Variants in RTRAF observed in about 807,000 individuals in gnomAD.
RTRAF encodes the protein RNA transcription, translation and transport factor.
In RTRAF, 14 loss-of-function variants were observed where a neutral mutation model predicts 34.4. That is an observed-to-expected ratio of 0.41 (90% CI 0.27 to 0.64). The LOEUF (loss-of-function observed/expected upper bound fraction) is 0.64. Ranked by LOEUF, RTRAF falls within the 30% of genes least tolerant of loss-of-function variation. RTRAF has a pLI of 0.34. For missense variants in RTRAF, 291 were observed against 288.4 expected (o/e 1.01, Z -0.06); for synonymous variants, 96 against 95.3 (o/e 1.01, Z -0.04).
At position 52,004,744 on chromosome 14, in the gene RTRAF, G is replaced by A; in HGVS notation, c.*228G>A. 2.5e-6 allele frequency: 1 copy of A among 401,042 alleles called. No individual in the cohort carries two copies. The allele number at this position is 401,042 out of a possible 1,614,324, so 24.8% of individuals were successfully genotyped here. On this transcript the variant is annotated 3_prime_UTR_variant, in exon 8 of 8. Transcript: ENST00000261700. ...TGCATAAATCACCTTTCTCCTTTGT[G>A]GTTAAGGCATATATGCCAACCCCCA... is the stretch of plus-strand genomic sequence containing the variant.
rs140907299 is a variant in RTRAF, at chr14:51,989,577, C to T, written c.-63C>T. 6.6e-7 allele frequency: 1 copy of T among 1,525,288 alleles called. No individual in the cohort carries two copies. Among genetic ancestry groups the T allele is most frequent in the East Asian group, 2.5e-5 (1 of 39,506 alleles). The allele number at this position is 1,525,288 out of a possible 1,614,324, so 94.5% of individuals were successfully genotyped here. A position where few individuals can be genotyped will look rare whatever the true frequency, so the allele number is the denominator to read the frequency against. ...CCGCGTCGCCGGTGCCTGCGCCTCC[C>T]GCTCCACCTCGCTTCTTCTCTCCCG... On this transcript the variant is annotated 5_prime_UTR_variant, in exon 1 of 8. Transcript: ENST00000261700.
rs193286496 is a variant in RTRAF, at chr14:51,999,424, G to A, written c.374-284G>A. ...CAGATTTTCCTCATCTTGCACTAGGGTTACATCCCACTGAACTCATTGTAA... is the reference window on the plus strand; with the variant it reads ...CAGATTTTCCTCATCTTGCACTAGGATTACATCCCACTGAACTCATTGTAA... On this transcript the variant is annotated intron_variant, in intron 4 of 7. Coordinates refer to ENST00000261700, the MANE Select transcript of RTRAF (RefSeq NM_016039.3). The A allele has an allele frequency of 1.3e-4, 34 of 260,722 alleles. No individual in the cohort carries two copies. In the Admixed American group the frequency reaches 1.6e-3, roughly 12 times the overall value. The allele number at this position is 260,722 out of a possible 1,614,324, so 16.2% of individuals were successfully genotyped here.
rs143133638 is a variant in RTRAF, at chr14:51,994,337, C to A, written c.286+515C>A. Among the ~76,000 whole-genome samples, 929 of 152,312 alleles carry A rather than the reference C, an allele frequency of 6.1e-3. 4 individuals are homozygous for A. Among genetic ancestry groups the A allele is most frequent in the Non-Finnish European group, 9.2e-3 (624 of 68,004 alleles). ...GGTGTTTTCTCTTATTAGACCATTT[C>A]ATTTTGAAAGGCCTGCCAACATCTA... is the stretch of plus-strand genomic sequence containing the variant. On this transcript the variant is annotated intron_variant, in intron 3 of 7. Transcript: ENST00000261700.
At chr14:51,997,231 C>T (rs1359873745) in intron 3 of RTRAF, among the ~76,000 whole-genome samples, 1 of 151,860 alleles carries the variant, frequency 6.6e-6, no homozygotes, top group Non-Finnish European at 1.5e-5. Context: ...GTTTTAGCAA[C>T]CATATGATGA....
chr14:51,997,616 G>A (rs1890540637), intron 3 of RTRAF, among the ~76,000 whole-genome samples: 1 of 151,712 alleles, frequency 6.6e-6, no homozygotes, highest in African/African-American at 2.4e-5. Flanking sequence ...TTCCTTTGAA[G>A]TATTGTTTTT....
chr14:52,005,081 G>GGATTATATTGTTA lies in RTRAF; in HGVS notation c.*566_*578dup, dbSNP rs1890705918. 1 of 164,628 alleles carries GGATTATATTGTTA rather than the reference G, an allele frequency of 6.1e-6. No individual in the cohort carries two copies. Among genetic ancestry groups the GGATTATATTGTTA allele is most frequent in the East Asian group, 1.8e-4 (1 of 5,682 alleles). 10.2% of individuals were successfully genotyped at this position (164,628 alleles called of 1,614,324 possible). ...TGGCTTCTCCAACTGTCAAGGTTTA[G>GGATTATATTGTTA]GATTATATTGTTATATTGATCACAT... On this transcript the variant is annotated 3_prime_UTR_variant, in exon 8 of 8. Coordinates refer to ENST00000261700, the MANE Select transcript of RTRAF (RefSeq NM_016039.3).
chr14:52,004,695 A>G lies in RTRAF; in HGVS notation c.*179A>G. ...TCTTTAATAAAGTTTAGGAAAGTAG[A>G]ATTTTTATTATGTACTGTATGTTTG... On this transcript the variant is annotated 3_prime_UTR_variant, in exon 8 of 8. Coordinates refer to ENST00000261700, the MANE Select transcript of RTRAF (RefSeq NM_016039.3). 1.7e-6 allele frequency: 1 copy of G among 577,884 alleles called. No homozygotes were observed. Among genetic ancestry groups the G allele is most frequent in the Admixed American group, 3.6e-5 (1 of 27,602 alleles). The allele number at this position is 577,884 out of a possible 1,614,324, so 35.8% of individuals were successfully genotyped here. A position where few individuals can be genotyped will look rare whatever the true frequency, so the allele number is the denominator to read the frequency against.
intron 3 of RTRAF, among the ~76,000 whole-genome samples, chr14:51,996,360 T>C (rs1890521603): frequency 6.6e-6 from 1 of 152,140 alleles, no homozygotes; most frequent in Admixed American, 6.5e-5. Flanking sequence ...GGTTTTACAT[T>C]GATATGTTGC....
intron 5 of RTRAF, among the ~76,000 whole-genome samples, chr14:52,001,432 A>G (rs1279538403): frequency 1.3e-5 from 2 of 152,162 alleles, no homozygotes; most frequent in Admixed American, 1.3e-4. Context: ...CATGCTCGTC[A>G]TTTCGCAGTT....
At chr14:52,001,417 C>A (rs1206985714) in intron 5 of RTRAF, among the ~76,000 whole-genome samples, 4 of 152,124 alleles carry the variant, frequency 2.6e-5, no homozygotes, top group Admixed American at 1.3e-4. Flanking sequence ...TGTATTCGTG[C>A]TAAGCATGCT....
chr14:51,994,866 A>G (rs1456007442), intron 3 of RTRAF, among the ~76,000 whole-genome samples: 1 of 152,036 alleles, frequency 6.6e-6, no homozygotes, highest in Non-Finnish European at 1.5e-5. Flanking sequence ...CTTCCTGTTT[A>G]TATCCCATTT....
At position 52,005,288 on chromosome 14, in the gene RTRAF, CA is replaced by C; in HGVS notation, c.*773del. On this transcript the variant is annotated 3_prime_UTR_variant, in exon 8 of 8. Transcript: ENST00000261700. ...TTTTTAAACTTGCAATAACAACCTT[CA>C]TTTTTAAAAATACAGTAGTAAAGAT... 3 of 423,106 alleles carry C rather than the reference CA, an allele frequency of 7.1e-6. No homozygotes were observed. Among genetic ancestry groups the C allele is most frequent in the Non-Finnish European group, 1.2e-5 (3 of 244,498 alleles). 26.2% of individuals were successfully genotyped at this position (423,106 alleles called of 1,614,324 possible). A position where few individuals can be genotyped will look rare whatever the true frequency, so the allele number is the denominator to read the frequency against.
intron 3 of RTRAF, among the ~76,000 whole-genome samples, chr14:51,995,153 A>G (rs1036546440): frequency 2.6e-5 from 4 of 152,024 alleles, no homozygotes; most frequent in Admixed American, 1.3e-4. Flanking sequence ...TTAGCTTCCA[A>G]TTGATGCTGT....
chr14:51,993,420 GA>G (rs769656216), intron 2 of RTRAF, among the ~76,000 whole-genome samples: 2 of 152,088 alleles, frequency 1.3e-5, no homozygotes, highest in Non-Finnish European at 2.9e-5. Context: ...TTGAGACTAG[GA>G]ATCAGAAAGC....
chr14:52,001,105 T>C (rs908567718), intron 5 of RTRAF, among the ~76,000 whole-genome samples: 3 of 152,206 alleles, frequency 2.0e-5, no homozygotes, highest in African/African-American at 7.2e-5. Context: ...CTGTTAAACA[T>C]TGTTTGAATT....
chr14:51,989,791 C>G (rs1890396291), intron 1 of RTRAF, 91 bp downstream of exon 1: 2 of 1,354,908 alleles, frequency 1.5e-6, no homozygotes, highest in Non-Finnish European at 2.0e-6. Context: ...CGTCGGGACC[C>G]TCGGCGGCCT....
chr14:51,993,721 A>G lies in RTRAF; in HGVS notation c.187-2A>G. Reference sequence around the variant, plus strand: ...GTGGTTTTCTTTTCTTCCCCCTCACAGTATCTCAGAGATGTTAACTGTCCT... The same window carrying G: ...GTGGTTTTCTTTTCTTCCCCCTCACGGTATCTCAGAGATGTTAACTGTCCT... On this transcript the variant is annotated splice_acceptor_variant, in intron 2 of 7. Coordinates refer to ENST00000261700, the MANE Select transcript of RTRAF (RefSeq NM_016039.3). LOFTEE classifies it high-confidence loss of function. 1.3e-6 allele frequency: 2 copies of G among 1,560,416 alleles called. No homozygotes were observed. Among genetic ancestry groups the G allele is most frequent in the Non-Finnish European group, 1.8e-6 (2 of 1,140,676 alleles).
chr14:51,992,421 C>G (rs545677814), intron 2 of RTRAF, among the ~76,000 whole-genome samples: 1 of 152,192 alleles, frequency 6.6e-6, no homozygotes, highest in Non-Finnish European at 1.5e-5. Flanking sequence ...ATTTTTTCAT[C>G]AATAAGTGAG....
At chr14:51,999,946 A>T (rs999624347) in intron 5 of RTRAF, 150 bp downstream of exon 5, 2 of 575,374 alleles carry the variant, frequency 3.5e-6, no homozygotes, top group African/African-American at 3.7e-5. Context: ...TCATGGTTTT[A>T]TCTGATTTGG....
Sources: gnomAD v4.1 joint callset for allele counts (sites outside exome capture counted in the v4.1 genomes callset) on GRCh38, gnomAD v4.1.1 for gene constraint, MANE v1.5 for transcripts, NCBI Gene and HGNC (gene_info 2026-07-23, HGNC 2026-07-21) for gene names.